SSBP3: variants seen among roughly 807,000 people sequenced by gnomAD.
The protein encoded by SSBP3 is single-stranded DNA-binding protein 3.
Under a neutral mutation model 69.6 loss-of-function variants are expected in SSBP3, and 5 were observed. That is an observed-to-expected ratio of 0.07 (90% CI 0.04 to 0.15). The LOEUF is 0.15. Among genes scored for constraint, SSBP3 ranks in the 10% least tolerant of loss-of-function variants. The probability of loss-of-function intolerance (pLI) is 1.00; values close to 1 mark genes in which losing one functional copy is unlikely to be tolerated. For synonymous variants in SSBP3, 196 were observed against 193.4 expected, an observed-to-expected ratio of 1.01 and a Z score of -0.11; for missense variants, 312 against 534.0, an observed-to-expected ratio of 0.58 and a Z score of 4.10.
intron 4 of SSBP3, among the ~76,000 whole-genome samples, chr1:54,293,543 T>C (rs1645645754): frequency 6.6e-6 from 1 of 152,244 alleles, no homozygotes; most frequent in South Asian, 2.1e-4. Flanking sequence ...ACATATTTAG[T>C]ACCTAGTACC....
At chr1:54,321,543 G>A (rs1646214159) in intron 4 of SSBP3, among the ~76,000 whole-genome samples, 2 of 152,244 alleles carry the variant, frequency 1.3e-5, no homozygotes. Flanking sequence ...AACAAGTAGG[G>A]CAACTCTCAG....
At chr1:54,259,871 T>C (rs1270306751) in intron 5 of SSBP3, among the ~76,000 whole-genome samples, 1 of 152,206 alleles carries the variant, frequency 6.6e-6, no homozygotes, top group Non-Finnish European at 1.5e-5. Flanking sequence ...TTTCAACAAG[T>C]GTGTGTCTTT....
intron 14 of SSBP3, among the ~76,000 whole-genome samples, chr1:54,229,480 C>A (rs780291914): frequency 1.3e-5 from 2 of 152,162 alleles, no homozygotes; most frequent in Non-Finnish European, 2.9e-5. Flanking sequence ...GCCCTGGAGG[C>A]ACTGCATGGC....
chr1:54,338,477 C>T (rs528117696), intron 4 of SSBP3, among the ~76,000 whole-genome samples: 5 of 152,268 alleles, frequency 3.3e-5, no homozygotes, highest in East Asian at 1.9e-4. Flanking sequence ...CTCTCACTCC[C>T]GACCCCTAAC....
intron 4 of SSBP3, among the ~76,000 whole-genome samples, chr1:54,337,725 A>G (rs1291906419): frequency 6.6e-6 from 1 of 151,712 alleles, no homozygotes; most frequent in African/African-American, 2.4e-5. Flanking sequence ...TGAACTCCTG[A>G]CCTCAGGTGA....
At chr1:54,229,778 G>A (rs578099924) in intron 14 of SSBP3, among the ~76,000 whole-genome samples, 7 of 152,308 alleles carry the variant, frequency 4.6e-5, no homozygotes, top group African/African-American at 1.7e-4. Flanking sequence ...GGAATGGAGG[G>A]CTGTTTGGCA....
At chr1:54,401,754 A>C (rs1374495943) in intron 4 of SSBP3, 107 bp downstream of exon 4, 6 of 872,550 alleles carry the variant, frequency 6.9e-6, no homozygotes, top group Non-Finnish European at 1.1e-5. Flanking sequence ...GAAACGCAAG[A>C]AGCAAATAAA....
At chr1:54,247,136 T>C (rs559494776) in intron 9 of SSBP3, among the ~76,000 whole-genome samples, 1 of 152,350 alleles carries the variant, frequency 6.6e-6, no homozygotes, top group African/African-American at 2.4e-5. Context: ...ACCGAGCAGC[T>C]GTCTGGGGCT....
At chr1:54,344,951 T>C (rs1224445989) in intron 4 of SSBP3, among the ~76,000 whole-genome samples, 1 of 152,248 alleles carries the variant, frequency 6.6e-6, no homozygotes, top group African/African-American at 2.4e-5. Context: ...AAATTGCATT[T>C]GGTGCGTGTG....
chr1:54,234,244 G>T (rs1164988494), intron 14 of SSBP3, among the ~76,000 whole-genome samples: 18 of 149,052 alleles, frequency 1.2e-4, no homozygotes, highest in Non-Finnish European at 2.1e-4. Flanking sequence ...AGGAAAACCA[G>T]AGACCTTTGT....
At chr1:54,292,214 G>A (rs1645620236) in intron 4 of SSBP3, among the ~76,000 whole-genome samples, 1 of 152,212 alleles carries the variant, frequency 6.6e-6, no homozygotes, top group Admixed American at 6.5e-5. Context: ...GCCAGGAAAT[G>A]GCAGTCCTGG....
chr1:54,299,240 T>G (rs988088049), intron 4 of SSBP3, among the ~76,000 whole-genome samples: 2 of 152,168 alleles, frequency 1.3e-5, no homozygotes, highest in Non-Finnish European at 2.9e-5. Context: ...TGGGACTTGC[T>G]GCAAGACACT....
rs372483794 is a variant in SSBP3 at position 54,278,945 on chromosome 1, G to A, written c.366+2493C>T. ...TTCCTGTTGTAAGCAGGCCTACTCC[G>A]GAAATGGGCAGCCAGTACCTCCTTC... On this transcript the variant is annotated intron_variant, in intron 5 of 17. Coordinates refer to ENST00000610401, the Ensembl canonical transcript of SSBP3. Among the ~76,000 whole-genome samples the A allele has an allele frequency of 1.2e-3, 176 of 152,352 alleles. No homozygotes were observed. In the South Asian group the frequency reaches 0.013, roughly 11 times the overall value.
chr1:54,307,040 C>T (rs1353781949), intron 4 of SSBP3, among the ~76,000 whole-genome samples: 1 of 152,152 alleles, frequency 6.6e-6, no homozygotes, highest in African/African-American at 2.4e-5. Flanking sequence ...CCACAGCCTC[C>T]AGGAGGAAGG....
intron 4 of SSBP3, among the ~76,000 whole-genome samples, chr1:54,306,585 T>C (rs1474088148): frequency 6.6e-6 from 1 of 152,220 alleles, no homozygotes; most frequent in Non-Finnish European, 1.5e-5. Flanking sequence ...GAGCTGCCAC[T>C]GGTATTATCA....
chr1:54,232,278 T>G (rs1299997343), intron 14 of SSBP3, among the ~76,000 whole-genome samples: 1 of 152,160 alleles, frequency 6.6e-6, no homozygotes, highest in East Asian at 1.9e-4. Flanking sequence ...CTCGAATACT[T>G]AAATTTGATA....
intron 4 of SSBP3, among the ~76,000 whole-genome samples, chr1:54,375,097 T>C (rs78207940): frequency 0.012 from 1,779 of 152,096 alleles, 38 homozygotes; most frequent in African/African-American, 0.041. Context: ...CTACCCGTCT[T>C]CTCCACTAGC....
intron 4 of SSBP3, among the ~76,000 whole-genome samples, chr1:54,385,895 C>A (rs969303137): frequency 2.2e-4 from 34 of 152,176 alleles, no homozygotes; most frequent in African/African-American, 7.0e-4. Flanking sequence ...AGCTCTCGTT[C>A]TCTGCACCTT....
chr1:54,404,808 T>TGG (rs147574789), intron 2 of SSBP3, 50 bp downstream of exon 2: 32,919 of 622,196 alleles, frequency 0.053, 225 homozygotes, highest in Non-Finnish European at 0.061. Context: ...CTAAGAATAG[T>TGG]GGGGGGGGGG....
Sources: allele counts gnomAD v4.1 joint callset (sites outside exome capture counted in the v4.1 genomes callset), GRCh38; gene constraint gnomAD v4.1.1; transcripts MANE v1.5; gene names NCBI Gene and HGNC (gene_info 2026-07-23, HGNC 2026-07-21).